Variants in CROCC observed in about 807,000 individuals in gnomAD.
CROCC encodes the protein rootletin.
Under a neutral mutation model 245.2 loss-of-function variants are expected in CROCC, and 180 were observed. The ratio of observed to expected loss-of-function variants is 0.73; its 90% CI spans 0.65 to 0.83. The LOEUF (loss-of-function observed/expected upper bound fraction) is 0.83, where lower values mean the gene tolerates loss of function less well. Ranked by LOEUF, CROCC falls within the 40% of genes least tolerant of loss-of-function variation. The pLI, the probability that CROCC is intolerant of heterozygous loss-of-function variation, is 0.00. For missense variants in CROCC, 2,688 were observed against 2,779.4 expected (o/e 0.97, Z 0.74); for synonymous variants, 1,205 against 1,241.6 (o/e 0.97, Z 0.62).
chr1:16,922,921 T>C, intron 2 of CROCC, 123 bp downstream of exon 2: 1 of 1,397,896 alleles, frequency 7.2e-7, no homozygotes. Flanking sequence ...GGCACAGCTT[T>C]ATGACAGAAG....
chr1:16,966,174 G>C lies in CROCC; in HGVS notation c.4696+55G>C. Reference sequence around the variant, plus strand: ...CTCTCCTGTGTTTTGGGCAGTTGAGGCAGGAGCCGGGGGATTGGCCTCTGA... The same window carrying C: ...CTCTCCTGTGTTTTGGGCAGTTGAGCCAGGAGCCGGGGGATTGGCCTCTGA... On this transcript the variant is annotated intron_variant, in intron 29 of 36. Transcript: ENST00000375541. This position sits in a 1 kb window ranked among gnomAD's most constrained non-coding sequence, Gnocchi z 4.8. 1 of 1,565,684 alleles carries C rather than the reference G, an allele frequency of 6.4e-7. No homozygotes were observed. The highest frequency in any genetic ancestry group is 8.7e-7 in the Non-Finnish European group (1 of 1,150,286).
chr1:16,954,420 C>G lies in CROCC; in HGVS notation c.3321+63C>G. 6.4e-7 allele frequency: 1 copy of G among 1,560,686 alleles called. No individual in the cohort carries two copies. On this transcript the variant is annotated intron_variant, in intron 22 of 36. Transcript: ENST00000375541. The surrounding 1 kb of genome is among the most constrained non-coding windows in gnomAD (Gnocchi z 4.4). The stretch of plus-strand genomic sequence containing the variant: ...AGAGGCACATCCCTGGCTGAGGAGC[C>G]CCCACCACGGGGCGGCATGGCCCTG...
chr1:16,945,752 T>C (rs1262643525), intron 15 of CROCC, 146 bp downstream of exon 15: 2 of 943,362 alleles, frequency 2.1e-6, no homozygotes, highest in African/African-American at 3.2e-5. Flanking sequence ...TACAGGCTGA[T>C]CTTTGTCACA....
intron 25 of CROCC, among the ~76,000 whole-genome samples, chr1:16,956,466 G>A (rs1450940085): frequency 1.3e-5 from 2 of 152,206 alleles, no homozygotes; most frequent in East Asian, 3.8e-4. Flanking sequence ...TGTGAACTAG[G>A]TCAGAGGTTG....
At chr1:16,971,210 AGTGTGTGTGT>A (rs34364208) in intron 35 of CROCC, among the ~76,000 whole-genome samples, 2,695 of 143,850 alleles carry the variant, frequency 0.019, 31 homozygotes, top group Middle Eastern at 0.032. Flanking sequence ...ATGATGTCTG[AGTGTGTGTGT>A]GTGTGTGTGT....
rs554894262 is a variant in CROCC at position 16,945,382 on chromosome 1, C to A, written c.1992-80C>A. On this transcript the variant is annotated intron_variant, in intron 14 of 36. Coordinates refer to ENST00000375541, the MANE Select transcript of CROCC (RefSeq NM_014675.5). Reference sequence around the variant, plus strand: ...CAAACTCCTGCCTCAGGCCTGGTCCCCAGCCCAGCATCTCGCTGGCTACAG... The same window carrying A: ...CAAACTCCTGCCTCAGGCCTGGTCCACAGCCCAGCATCTCGCTGGCTACAG... The A allele has an allele frequency of 4.0e-4, 639 of 1,587,494 alleles. No individual in the cohort carries two copies. In the African/African-American group the frequency reaches 7.4e-3, roughly 18 times the overall value.
chr1:16,948,347 G>T lies in CROCC; in HGVS notation c.2531G>T (p.Ser844Ile), dbSNP rs769058213. Residue 844 changes from serine (S) to isoleucine (I), a missense_variant, in exon 18 of 37, where the codon AGC becomes ATC. Coordinates refer to ENST00000375541, the MANE Select transcript of CROCC (RefSeq NM_014675.5). The stretch of plus-strand genomic sequence containing the variant: ...GGGGGCCAGCTCTCCCGGCAGCTGA[G>T]CGGGCGGGAGCAGGAGCTGGAGCAG... ...EQLAQLSRQL[S>I]GREQELEQAR... is the part of the protein sequence containing the mutation. 2 of 1,574,226 alleles carry T rather than the reference G, an allele frequency of 1.3e-6. No individual in the cohort carries two copies. Among genetic ancestry groups the T allele is most frequent in the Admixed American group, 3.6e-5 (2 of 55,198 alleles).
rs201402833 is a variant in CROCC at position 16,939,060 on chromosome 1, G to A, written c.1526G>A (p.Arg509Gln). The change falls in exon 12 of 37, where the codon CGA becomes CAA. Residue 509 changes from arginine to glutamine, a missense_variant. This residue lies in a region of CROCC where 972 missense variants were observed against 895.3 expected (regional missense o/e 1.09). Transcript: ENST00000375541. ...SSPGRGRSPRRGPSPACSDSS... is the reference protein window; with the variant it reads ...SSPGRGRSPRQGPSPACSDSS... Reference sequence around the variant, plus strand: ...CCCGGCCGAGGCCGTTCACCCCGCCGAGGCCCCTCCCCGGCCTGCTCAGAC... The same window carrying A: ...CCCGGCCGAGGCCGTTCACCCCGCCAAGGCCCCTCCCCGGCCTGCTCAGAC... The A allele has an allele frequency of 2.6e-4, 407 of 1,588,918 alleles. No individual in the cohort carries two copies. The highest frequency in any genetic ancestry group is 3.3e-4 in the Non-Finnish European group (391 of 1,171,950).
At chr1:16,944,970 C>T (rs576449172) in intron 14 of CROCC, among the ~76,000 whole-genome samples, 3 of 152,396 alleles carry the variant, frequency 2.0e-5, no homozygotes, top group East Asian at 1.9e-4. Flanking sequence ...CAGTGGCTCA[C>T]GCCTGTAATC....
chr1:16,936,084 G>A (rs192120699), intron 8 of CROCC, among the ~76,000 whole-genome samples: 344 of 152,074 alleles, frequency 2.3e-3, no homozygotes, highest in African/African-American at 7.7e-3. Context: ...CAATCTGAGA[G>A]TGGACAAATG....
In CROCC at chr1:16,938,993, C is replaced by A; in HGVS notation, c.1459C>A (p.Leu487Ile). The change falls in exon 12 of 37, where the codon CTC (leucine) becomes ATC (isoleucine). Residue 487 changes from leucine to isoleucine, a missense_variant. This residue lies in a region of CROCC where 972 missense variants were observed against 895.3 expected (regional missense o/e 1.09). Transcript: ENST00000375541. Reference protein sequence around the residue: ...ADASNGSLRGLSGQRTPSPPR... With the variant: ...ADASNGSLRGISGQRTPSPPR... ...TGCTTCCAACGGCAGCCTGCGGGGG[C>A]TCTCGGGCCAGCGGACCCCGTCCCC... is the stretch of plus-strand genomic sequence containing the variant. The A allele has an allele frequency of 1.9e-6, 3 of 1,604,178 alleles. No homozygotes were observed. Among genetic ancestry groups the A allele is most frequent in the African/African-American group, 1.3e-5 (1 of 74,502 alleles).
At position 16,966,869 on chromosome 1, in the gene CROCC, G is replaced by A. The variant is rs1401918563; in HGVS notation, c.4860+298G>A. ...GAGCACAGGAGTTTGAGACCAGCCT[G>A]GGCAACATGGTGAAACCCCGTCTCT... On this transcript the variant is annotated intron_variant, in intron 30 of 36. Transcript: ENST00000375541. This position sits in a 1 kb window ranked among gnomAD's most constrained non-coding sequence, Gnocchi z 4.8. Among the ~76,000 whole-genome samples the A allele has an allele frequency of 6.6e-6, 1 of 152,090 alleles. No homozygotes were observed. The highest frequency in any genetic ancestry group is 1.5e-5 in the Non-Finnish European group (1 of 68,020).
chr1:16,954,181 C>G lies in CROCC; in HGVS notation c.3187-42C>G. 1.9e-6 allele frequency: 3 copies of G among 1,576,182 alleles called. No homozygotes were observed. Among genetic ancestry groups the G allele is most frequent in the Admixed American group, 3.4e-5 (2 of 58,314 alleles). ...AAGAAGCCTGAGCATGCCCCCAGGA[C>G]CAGCCCATCCCCCAAGCCCTTTGTC... On this transcript the variant is annotated intron_variant, in intron 21 of 36. Coordinates refer to ENST00000375541, the MANE Select transcript of CROCC (RefSeq NM_014675.5). The surrounding 1 kb of genome is among the most constrained non-coding windows in gnomAD (Gnocchi z 4.4).
At chr1:16,938,844 T>A (rs923995428) in intron 11 of CROCC, 65 bp from the exon 12 acceptor site, 3 of 1,499,810 alleles carry the variant, frequency 2.0e-6, no homozygotes, top group Non-Finnish European at 2.7e-6. Flanking sequence ...CTGGGCGTCT[T>A]TGCCCAGCTA....
chr1:16,931,488 C>G, intron 8 of CROCC, 91 bp downstream of exon 8: 1 of 1,246,758 alleles, frequency 8.0e-7, no homozygotes, highest in African/African-American at 1.4e-5. Context: ...TTCAACTCAA[C>G]GCACTTACTG....
At chr1:16,952,886 A>G (rs2076185775) in intron 20 of CROCC, among the ~76,000 whole-genome samples, 1 of 151,500 alleles carries the variant, frequency 6.6e-6, no homozygotes, top group Admixed American at 6.6e-5. Flanking sequence ...CACTCCCCTC[A>G]CTGTCCTTAG....
chr1:16,952,798 C>G (rs1387405231), intron 20 of CROCC, among the ~76,000 whole-genome samples: 1 of 152,222 alleles, frequency 6.6e-6, no homozygotes, highest in Non-Finnish European at 1.5e-5. Context: ...ACCCCAATCC[C>G]TCTTCCACAG....
intron 2 of CROCC, 59 bp from the exon 3 acceptor site, chr1:16,924,266 G>T (rs566782178): frequency 1.3e-6 from 2 of 1,582,552 alleles, no homozygotes; most frequent in South Asian, 1.1e-5. Context: ...CCTCCCTGTT[G>T]GGGGGAGGAT....
chr1:16,970,417 G>C lies in CROCC; in HGVS notation c.5616G>C (p.Glu1872Asp). 4 of 1,604,070 alleles carry C rather than the reference G, an allele frequency of 2.5e-6. No homozygotes were observed. The highest frequency in any genetic ancestry group is 3.4e-6 in the Non-Finnish European group (4 of 1,175,454). The change falls in exon 34 of 37, where the codon GAG (glutamate) becomes GAC (aspartate). Residue 1872 changes from glutamate (E) to aspartate (D), a missense_variant. Glu to Asp is a conservative substitution (Grantham distance 45). Transcript: ENST00000375541. ...TGGAGCGCTCAGCCCTGCGGCTGGA[G>C]AAGGACCGTGTAGCCCTCAGGAGGA... ...REVERSALRL[E>D]KDRVALRRTL...
Sources: allele counts gnomAD v4.1 joint callset (sites outside exome capture counted in the v4.1 genomes callset), GRCh38; gene constraint gnomAD v4.1.1; regional missense constraint gnomAD v4.1.1; non-coding constraint Gnocchi (gnomAD v3.1); transcripts MANE v1.5; gene names NCBI Gene and HGNC (gene_info 2026-07-23, HGNC 2026-07-21).